ACTL8: variants seen among roughly 807,000 people sequenced by gnomAD.
ACTL8 encodes the protein actin like 8.
ACTL8 carries 3 observed loss-of-function variants against 9.3 expected under a neutral mutation model. That is an observed-to-expected ratio of 0.32 (90% CI 0.15 to 0.83). The LOEUF (loss-of-function observed/expected upper bound fraction) is 0.83. Ranked by LOEUF, ACTL8 falls within the 40% of genes least tolerant of loss-of-function variation. The pLI is 0.57. For synonymous variants in ACTL8, 224 were observed against 205.9 expected (o/e 1.09, Z -0.75); for missense variants, 381 against 492.2 (o/e 0.77, Z 2.14).
intron 2 of ACTL8, among the ~76,000 whole-genome samples, chr1:17,825,258 TTTTTC>T (rs145223317): frequency 0.022 from 3,277 of 152,016 alleles, 124 homozygotes; most frequent in African/African-American, 0.073. Flanking sequence ...CTTTTTTTCT[TTTTTC>T]TTTTCTTTTC....
At chr1:17,791,097 CA>C (rs1166840848) in intron 1 of ACTL8, among the ~76,000 whole-genome samples, 2 of 152,138 alleles carry the variant, frequency 1.3e-5, no homozygotes, top group Non-Finnish European at 2.9e-5. Context: ...CTGTGCCTGG[CA>C]GGGGGTGGGG....
At chr1:17,755,849 GGAGGGTCCCTTCCCTGGGGT>G (rs2065964359) in intron 1 of ACTL8, among the ~76,000 whole-genome samples, 1 of 151,710 alleles carries the variant, frequency 6.6e-6, no homozygotes, top group South Asian at 2.1e-4. Flanking sequence ...TCAGCCTGGT[GGAGGGTCCCTTCCCTGGGGT>G]GAGGGGCTCT....
chr1:17,765,744 A>G (rs2066040059), intron 1 of ACTL8, among the ~76,000 whole-genome samples: 1 of 152,226 alleles, frequency 6.6e-6, no homozygotes, highest in Non-Finnish European at 1.5e-5. Flanking sequence ...GAGGTCTCTC[A>G]GGACAATGTC....
chr1:17,755,556 G>GTTTTT (rs1367553131), intron 1 of ACTL8, 52 bp downstream of exon 1: 3 of 130,126 alleles, frequency 2.3e-5, no homozygotes, highest in African/African-American at 8.7e-5. Context: ...GCCCCTGACT[G>GTTTTT]TTTTTTTTTT....
rs1244839069 is a variant in ACTL8 at position 17,767,337 on chromosome 1, G to A, written c.-25+11833G>A. ...TGGAGACAGAGCCGGGGGATGAGGCGGAGGCAGGGGGGCCAGTGTGGGGGC... is the reference window on the plus strand; with the variant it reads ...TGGAGACAGAGCCGGGGGATGAGGCAGAGGCAGGGGGGCCAGTGTGGGGGC... On this transcript the variant is annotated intron_variant, in intron 1 of 2. Coordinates refer to ENST00000375406, the MANE Select transcript of ACTL8 (RefSeq NM_030812.3). This position sits in a 1 kb window ranked among gnomAD's most constrained non-coding sequence, Gnocchi z 4.7. Among the ~76,000 whole-genome samples the A allele has an allele frequency of 3.3e-5, 5 of 152,276 alleles. No homozygotes were observed. Among genetic ancestry groups the A allele is most frequent in the Admixed American group, 6.5e-5 (1 of 15,300 alleles).
chr1:17,789,637 C>T (rs1436101372), intron 1 of ACTL8, among the ~76,000 whole-genome samples: 1 of 152,044 alleles, frequency 6.6e-6, no homozygotes, highest in Non-Finnish European at 1.5e-5. Flanking sequence ...GTTTTCCATA[C>T]CTTATTTATT....
At chr1:17,759,861 G>T (rs2065989974) in intron 1 of ACTL8, among the ~76,000 whole-genome samples, 1 of 152,308 alleles carries the variant, frequency 6.6e-6, no homozygotes, top group East Asian at 1.9e-4. Context: ...TGCTCCTTTT[G>T]TCTCCTAAAC....
At chr1:17,765,869 C>T (rs570884088) in intron 1 of ACTL8, among the ~76,000 whole-genome samples, 3 of 152,292 alleles carry the variant, frequency 2.0e-5, no homozygotes, top group African/African-American at 4.8e-5. Context: ...CTGGCATGGG[C>T]GCCATTTCCC....
At chr1:17,792,262 C>T (rs986282978) in intron 1 of ACTL8, among the ~76,000 whole-genome samples, 3 of 152,346 alleles carry the variant, frequency 2.0e-5, no homozygotes, top group South Asian at 2.1e-4. Flanking sequence ...ACCTTCCTAA[C>T]GGATGTGTTT....
chr1:17,797,752 A>C (rs1305106815), intron 1 of ACTL8, among the ~76,000 whole-genome samples: 1 of 152,060 alleles, frequency 6.6e-6, no homozygotes, highest in African/African-American at 2.4e-5. Context: ...TCTTCCTCTG[A>C]GGAGTGGGGA....
chr1:17,764,573 G>GC (rs2066030887), intron 1 of ACTL8, among the ~76,000 whole-genome samples: 3 of 138,910 alleles, frequency 2.2e-5, no homozygotes, highest in African/African-American at 4.9e-5. Context: ...TAAGCTTCTG[G>GC]GCACCCCCCC....
chr1:17,770,017 T>C (rs2066072591), intron 1 of ACTL8, among the ~76,000 whole-genome samples: 1 of 152,346 alleles, frequency 6.6e-6, no homozygotes, highest in South Asian at 2.1e-4. Flanking sequence ...GGCGTATAAA[T>C]AAAAATAAAA....
chr1:17,760,779 C>T (rs1359412365), intron 1 of ACTL8, among the ~76,000 whole-genome samples: 1 of 152,200 alleles, frequency 6.6e-6, no homozygotes, highest in Non-Finnish European at 1.5e-5. Flanking sequence ...AGCCCCCTGA[C>T]AATCACCTCA....
At chr1:17,785,829 C>G (rs1198666024) in intron 1 of ACTL8, among the ~76,000 whole-genome samples, 3 of 152,296 alleles carry the variant, frequency 2.0e-5, no homozygotes, top group Non-Finnish European at 2.9e-5. Context: ...AATTTGTTAT[C>G]TCACCATTTC....
chr1:17,826,336 G>A lies in ACTL8; in HGVS notation c.918G>A (p.Gly306=), dbSNP rs757009213. The A allele has an allele frequency of 1.2e-6, 2 of 1,613,724 alleles. No individual in the cohort carries two copies. The highest frequency in any genetic ancestry group is 2.7e-5 in the African/African-American group (2 of 74,920). Reference sequence around the variant, plus strand: ...GCGGGGGCAACACCCTCTATCCCGGGTTCACAAAGCGCCTGTTCAGGGAGC... The same window carrying A: ...GCGGGGGCAACACCCTCTATCCCGGATTCACAAAGCGCCTGTTCAGGGAGC... ...MACGGNTLYP[G]FTKRLFRELM... The change falls in exon 3 of 3, where the codon GGG becomes GGA. Residue 306 remains glycine (G), a synonymous_variant. Coordinates refer to ENST00000375406, the MANE Select transcript of ACTL8 (RefSeq NM_030812.3). The surrounding 1 kb of genome is among the most constrained non-coding windows in gnomAD (Gnocchi z 4.5).
At chr1:17,772,633 T>C (rs2066090911) in intron 1 of ACTL8, among the ~76,000 whole-genome samples, 1 of 152,150 alleles carries the variant, frequency 6.6e-6, no homozygotes, top group Admixed American at 6.5e-5. Flanking sequence ...AGCCCAATAG[T>C]GGTGGGAAGA....
At chr1:17,780,466 G>A (rs952920512) in intron 1 of ACTL8, among the ~76,000 whole-genome samples, 2 of 152,182 alleles carry the variant, frequency 1.3e-5, no homozygotes, top group Non-Finnish European at 2.9e-5. Flanking sequence ...CCTGCTGTGG[G>A]ATGCAGGCAG....
chr1:17,772,608 G>T (rs1009091364), intron 1 of ACTL8, among the ~76,000 whole-genome samples: 3 of 152,236 alleles, frequency 2.0e-5, no homozygotes, highest in African/African-American at 7.2e-5. Flanking sequence ...GGATCATGCT[G>T]GACCGGAGAG....
At chr1:17,812,427 C>CTTTTTTTTTTTTTTTTTTTTTTTT (rs141182523) in intron 1 of ACTL8, among the ~76,000 whole-genome samples, 2 of 122,420 alleles carry the variant, frequency 1.6e-5, no homozygotes, top group Admixed American at 9.5e-5. Context: ...ATTTTTTTTC[C>CTTTTTTTTTTTTTTTTTTTTTTTT]TTTTTTTTTT....
Sources: allele counts gnomAD v4.1 joint callset (sites outside exome capture counted in the v4.1 genomes callset), GRCh38; gene constraint gnomAD v4.1.1; non-coding constraint Gnocchi (gnomAD v3.1); transcripts MANE v1.5; gene names NCBI Gene and HGNC (gene_info 2026-07-23, HGNC 2026-07-21).